The following SSBP2 variants were observed in gnomAD, a reference collection of about 807,000 sequenced individuals.
The protein encoded by SSBP2 is single-stranded DNA-binding protein 2.
SSBP2 carries 17 observed loss-of-function variants against 61.8 expected under a neutral mutation model. The observed-to-expected ratio is 0.28, with a 90% CI of 0.19 to 0.41. The LOEUF is 0.41. SSBP2 is among the 10% of genes least tolerant of loss of function. The pLI is 1.00. For synonymous variants in SSBP2, 139 were observed against 141.3 expected (o/e 0.98, Z 0.12); for missense variants, 310 against 458.7 (o/e 0.68, Z 2.96).
intron 8 of SSBP2, among the ~76,000 whole-genome samples, chr5:81,473,364 C>T (rs1765375655): frequency 6.6e-6 from 1 of 152,124 alleles, no homozygotes; most frequent in African/African-American, 2.4e-5. Flanking sequence ...AGGTTTTAAG[C>T]CCCACATGCA....
chr5:81,589,056 C>T (rs1775293301), intron 4 of SSBP2, among the ~76,000 whole-genome samples: 1 of 151,994 alleles, frequency 6.6e-6, no homozygotes, highest in Non-Finnish European at 1.5e-5. Context: ...AGAGTCAGAC[C>T]CTATCTCAAA....
chr5:81,610,719 C>T lies in SSBP2; in HGVS notation c.282+4754G>A, dbSNP rs6864432. Among the ~76,000 whole-genome samples the T allele has an allele frequency of 5.7e-3, 867 of 152,274 alleles. 11 individuals carry two copies. The highest frequency in any genetic ancestry group is 0.02 in the African/African-American group (827 of 41,560). The stretch of plus-strand genomic sequence containing the variant: ...CTGAAAATAGATAACCTAGGCCAGG[C>T]GTGGTGGCTCACAACTGTAATCCCA... On this transcript the variant is annotated intron_variant, in intron 4 of 16. Transcript: ENST00000320672.
chr5:81,501,250 TATATATATATATATATATAC>T (rs1377148314), intron 5 of SSBP2, among the ~76,000 whole-genome samples: 15 of 55,328 alleles, frequency 2.7e-4, no homozygotes, highest in South Asian at 5.9e-4. Flanking sequence ...TATATATATA[TATATATATATATATATATAC>T]ACACACACAC....
intron 1 of SSBP2, among the ~76,000 whole-genome samples, chr5:81,702,791 T>C (rs572142117): frequency 6.6e-6 from 1 of 152,208 alleles, no homozygotes; most frequent in Non-Finnish European, 1.5e-5. Flanking sequence ...TATGTCCCCC[T>C]GAAGAGCTAC....
chr5:81,603,830 T>C (rs1744616803), intron 4 of SSBP2, among the ~76,000 whole-genome samples: 1 of 152,186 alleles, frequency 6.6e-6, no homozygotes, highest in Non-Finnish European at 1.5e-5. Context: ...GTCTCTATAT[T>C]ATACTATAAT....
chr5:81,636,871 A>C (rs947215808), intron 2 of SSBP2, among the ~76,000 whole-genome samples: 2 of 152,198 alleles, frequency 1.3e-5, no homozygotes, highest in Admixed American at 1.3e-4. Flanking sequence ...CTAGTCTTTC[A>C]GTTTTAAATC....
chr5:81,751,538 G>A (rs1022509971), upstream of SSBP2: 12 of 160,928 alleles, frequency 7.5e-5, no homozygotes, highest in Admixed American at 3.0e-4. Context: ...GGCGGAGCTG[G>A]AGCCGTGGCG....
At chr5:81,706,970 T>C (rs550985854) in intron 1 of SSBP2, among the ~76,000 whole-genome samples, 132 of 152,294 alleles carry the variant, frequency 8.7e-4, no homozygotes, top group Non-Finnish European at 1.4e-3. Context: ...TAATCTTATG[T>C]ATTCTCATTT....
chr5:81,445,535 A>G (rs1235894625), intron 12 of SSBP2, among the ~76,000 whole-genome samples: 2 of 152,152 alleles, frequency 1.3e-5, no homozygotes, highest in African/African-American at 2.4e-5. Context: ...ATATAATTCT[A>G]TCTTCGATGA....
At chr5:81,583,171 C>T (rs1280825478) in intron 4 of SSBP2, among the ~76,000 whole-genome samples, 1 of 152,132 alleles carries the variant, frequency 6.6e-6, no homozygotes, top group African/African-American at 2.4e-5. Flanking sequence ...GAGCTATGAT[C>T]ATGCTACTGC....
chr5:81,482,539 TC>T (rs1766070980), intron 6 of SSBP2, among the ~76,000 whole-genome samples: 1 of 152,188 alleles, frequency 6.6e-6, no homozygotes, highest in Non-Finnish European at 1.5e-5. Flanking sequence ...GGAGACAGCT[TC>T]TTTCCTAAAC....
chr5:81,547,036 C>CAAAAAAAA (rs61254614), intron 4 of SSBP2, among the ~76,000 whole-genome samples: 844 of 53,794 alleles, frequency 0.016, 162 homozygotes, highest in African/African-American at 0.097. Context: ...AAATCTTGGC[C>CAAAAAAAA]AAAAAAAAAA....
chr5:81,694,055 T>C (rs1184228104), intron 1 of SSBP2, among the ~76,000 whole-genome samples: 1 of 152,180 alleles, frequency 6.6e-6, no homozygotes, highest in Non-Finnish European at 1.5e-5. Context: ...GACATTATGT[T>C]AAGTGAAATA....
intron 8 of SSBP2, among the ~76,000 whole-genome samples, chr5:81,471,584 A>G: frequency 6.6e-6 from 1 of 152,036 alleles, no homozygotes; most frequent in East Asian, 1.9e-4. Context: ...TATGGAACTT[A>G]AGCAGTCTTA....
At chr5:81,711,935 A>T (rs1177867903) in intron 1 of SSBP2, among the ~76,000 whole-genome samples, 2 of 151,848 alleles carry the variant, frequency 1.3e-5, no homozygotes, top group Non-Finnish European at 2.9e-5. Context: ...TTGGTGTGAA[A>T]TTTTAAAAAT....
intron 1 of SSBP2, among the ~76,000 whole-genome samples, chr5:81,695,441 C>A (rs909267781): frequency 4.0e-5 from 6 of 151,892 alleles, no homozygotes; most frequent in African/African-American, 1.5e-4. Context: ...TGTTGGTGTG[C>A]TGCACCCATT....
At chr5:81,659,543 T>C (rs1202636710) in intron 1 of SSBP2, among the ~76,000 whole-genome samples, 1 of 152,186 alleles carries the variant, frequency 6.6e-6, no homozygotes, top group Non-Finnish European at 1.5e-5. Flanking sequence ...AAACATTCCA[T>C]GCTTATGGCT....
At chr5:81,663,773 T>C (rs997192223) in intron 1 of SSBP2, among the ~76,000 whole-genome samples, 1 of 152,224 alleles carries the variant, frequency 6.6e-6, no homozygotes, top group African/African-American at 2.4e-5. Context: ...ATCCTTTTAA[T>C]ATTCAAAGAA....
intron 6 of SSBP2, among the ~76,000 whole-genome samples, chr5:81,485,775 T>TGC (rs1394130434): frequency 6.6e-6 from 1 of 152,162 alleles, no homozygotes; most frequent in African/African-American, 2.4e-5. Context: ...CCTCCTGAAG[T>TGC]GCTGGGATTA....
Sources: allele counts gnomAD v4.1 joint callset (sites outside exome capture counted in the v4.1 genomes callset), GRCh38; gene constraint gnomAD v4.1.1; transcripts MANE v1.5; gene names NCBI Gene and HGNC (gene_info 2026-07-23, HGNC 2026-07-21).